Variants in APBB1 observed in about 807,000 individuals in gnomAD.
APBB1 encodes the protein amyloid beta precursor protein binding family B member 1, also known as adaptor protein FE65a2.
Under a neutral mutation model 78.4 loss-of-function variants are expected in APBB1, and 22 were observed. The observed-to-expected ratio is 0.28, with a 90% CI of 0.20 to 0.40. APBB1 has a LOEUF of 0.40. Ranked by LOEUF, APBB1 falls within the 10% of genes least tolerant of loss-of-function variation. The pLI is 1.00. For missense variants in APBB1, 749 were observed against 932.4 expected, an observed-to-expected ratio of 0.80 and a Z score of 2.56; for synonymous variants, 369 against 372.7, an observed-to-expected ratio of 0.99 and a Z score of 0.12.
intron 1 of APBB1, among the ~76,000 whole-genome samples, chr11:6,418,292 G>A (rs543790429): frequency 4.6e-5 from 7 of 152,188 alleles, no homozygotes; most frequent in Non-Finnish European, 5.9e-5. Flanking sequence ...GGAGGTCTCC[G>A]GTGACCTTGG....
chr11:6,403,168 G>A lies in APBB1; in HGVS notation c.1081C>T (p.Arg361Trp), dbSNP rs373569914. The A allele has an allele frequency of 8.2e-5, 132 of 1,613,172 alleles. No individual in the cohort carries two copies. The highest frequency in any genetic ancestry group is 1.0e-4 in the Non-Finnish European group (122 of 1,179,644). The change falls in exon 6 of 15, where the codon CGG becomes TGG. Residue 361 changes from arginine (R) to tryptophan (W), a missense_variant. Coordinates refer to ENST00000609360, the MANE Select transcript of APBB1 (RefSeq NM_001164.5). The surrounding 1 kb of genome is among the most constrained non-coding windows in gnomAD (Gnocchi z 5.3). ...ACCTTGATCCCTGGGTTGGTATTCC[G>A]TGGGGGAAGCTTCTCCTCCTCTTGG... ...LPQEEEKLPP[R>W]NTNPGIKCFA...
rs1297811754 is a variant in APBB1 at position 6,395,722 on chromosome 11, G to A, written c.1966-21C>T. 1.3e-6 allele frequency: 2 copies of A among 1,593,648 alleles called. No individual in the cohort carries two copies. The highest frequency in any genetic ancestry group is 2.7e-5 in the African/African-American group (2 of 74,398). ...CGAAGCTGCGGAGGCAAGCAGGGCA[G>A]TCACTCCCCAGCCTACCTCCCATGG... is the stretch of plus-strand genomic sequence containing the variant. On this transcript the variant is annotated intron_variant, in intron 14 of 14. Coordinates refer to ENST00000609360, the MANE Select transcript of APBB1 (RefSeq NM_001164.5). This position sits in a 1 kb window ranked among gnomAD's most constrained non-coding sequence, Gnocchi z 5.2.
chr11:6,396,095 T>C lies in APBB1; in HGVS notation c.1788+5A>G, dbSNP rs1848202192. 6.4e-7 allele frequency: 1 copy of C among 1,572,958 alleles called. No homozygotes were observed. The highest frequency in any genetic ancestry group is 8.6e-7 in the Non-Finnish European group (1 of 1,159,620). ...GCAGCCACGACTTCTACCCCAGCTC[T>C]TTACCTGCTGGTGCAAGATGGTGAG... On this transcript the variant is annotated splice_donor_5th_base_variant and intron_variant, in intron 13 of 14. Transcript: ENST00000609360.
chr11:6,402,765 A>G (rs1264850366), intron 6 of APBB1, 40 bp from the exon 7 acceptor site: 5 of 1,612,460 alleles, frequency 3.1e-6, no homozygotes, highest in Non-Finnish European at 4.2e-6. Context: ...AGAGGATCTG[A>G]GTCAAAACTG....
At chr11:6,415,114 T>C (rs1849087145) in intron 1 of APBB1, among the ~76,000 whole-genome samples, 1 of 152,038 alleles carries the variant, frequency 6.6e-6, no homozygotes, top group South Asian at 2.1e-4. Flanking sequence ...AAAAAGATGA[T>C]CTCAGTCCAA....
In APBB1 at chr11:6,402,728, G is replaced by A. The variant is rs1469150935; in HGVS notation, c.1105-3C>T. 6.2e-7 allele frequency: 1 copy of A among 1,614,050 alleles called. No individual in the cohort carries two copies. The highest frequency in any genetic ancestry group is 1.1e-5 in the South Asian group (1 of 91,068). On this transcript the variant is annotated splice_region_variant and splice_polypyrimidine_tract_variant and intron_variant, in intron 6 of 14. Coordinates refer to ENST00000609360, the MANE Select transcript of APBB1 (RefSeq NM_001164.5). ...CCTAGGGAGCGCACGGCGAAACACT[G>A]CCAGACACAGAAGAGGGGCAGGAGG...
At position 6,395,866 on chromosome 11, in the gene APBB1, G is replaced by C; in HGVS notation, c.1885C>G (p.Pro629Ala). 6.2e-7 allele frequency: 1 copy of C among 1,614,090 alleles called. No homozygotes were observed. The highest frequency in any genetic ancestry group is 8.5e-7 in the Non-Finnish European group (1 of 1,180,024). Residue 629 changes from proline (P) to alanine (A), a missense_variant, in exon 14 of 15, where the codon CCA becomes GCA. This residue lies in a region of APBB1 where 96 missense variants were observed against 116.0 expected (regional missense o/e 0.83). Coordinates refer to ENST00000609360, the MANE Select transcript of APBB1 (RefSeq NM_001164.5). This position sits in a 1 kb window ranked among gnomAD's most constrained non-coding sequence, Gnocchi z 5.2. ...AACATGTGGCAGCAGAAGGAGGCTGGGCCGGCAGCCATGATGAATGCAAAC... is the reference window on the plus strand; with the variant it reads ...AACATGTGGCAGCAGAAGGAGGCTGCGCCGGCAGCCATGATGAATGCAAAC... ...HTFAFIMAAG[P>A]ASFCCHMFWC...
At chr11:6,413,124 C>T (rs952948994) in intron 1 of APBB1, among the ~76,000 whole-genome samples, 5 of 152,162 alleles carry the variant, frequency 3.3e-5, no homozygotes, top group African/African-American at 7.2e-5. Flanking sequence ...CACCAGCCCC[C>T]GATTTCAGTT....
In APBB1 at chr11:6,403,501, C is replaced by T. The variant is rs1039649038; in HGVS notation, c.941G>A (p.Gly314Glu). ...GFAHGEGFED[G>E]EFWKDEPSDE... ...CCCCTTACCCACCTTCCAAAATTCT[C>T]CATCCTCAAAGCCTTCTCCATGAGC... Residue 314 changes from glycine (G) to glutamate (E), a missense_variant, in exon 4 of 15, where the codon GGA becomes GAA. Transcript: ENST00000609360. The surrounding 1 kb of genome is among the most constrained non-coding windows in gnomAD (Gnocchi z 5.3). 6.2e-7 allele frequency: 1 copy of T among 1,614,092 alleles called. No individual in the cohort carries two copies.
intron 12 of APBB1, among the ~76,000 whole-genome samples, chr11:6,397,851 A>G (rs561391892): frequency 6.6e-6 from 1 of 152,380 alleles, no homozygotes; most frequent in African/African-American, 2.4e-5. Flanking sequence ...TCTCAAGGCA[A>G]CAAGGGCAAA....
rs150799729 is a variant in APBB1, at chr11:6,403,618, C to A, written c.897+29G>T. ...CAGCACACACTCCCTCCACCCCTGGCCCAAAATCAACAGGCCTGTGAGCCT... is the reference window on the plus strand; with the variant it reads ...CAGCACACACTCCCTCCACCCCTGGACCAAAATCAACAGGCCTGTGAGCCT... On this transcript the variant is annotated intron_variant, in intron 3 of 14. Transcript: ENST00000609360. This position sits in a 1 kb window ranked among gnomAD's most constrained non-coding sequence, Gnocchi z 5.3. The A allele has an allele frequency of 3.1e-6, 5 of 1,612,612 alleles. No homozygotes were observed. Among genetic ancestry groups the A allele is most frequent in the Admixed American group, 1.7e-5 (1 of 59,956 alleles).
At chr11:6,404,401 T>A (rs372249190) in intron 2 of APBB1, among the ~76,000 whole-genome samples, 8 of 152,042 alleles carry the variant, frequency 5.3e-5, no homozygotes, top group African/African-American at 1.9e-4. Context: ...CAGCTAAACA[T>A]ACGAGCCCCT....
intron 2 of APBB1, among the ~76,000 whole-genome samples, chr11:6,409,418 G>A (rs558192404): frequency 1.3e-5 from 2 of 152,176 alleles, no homozygotes; most frequent in African/African-American, 2.4e-5. Flanking sequence ...AATAACCTAC[G>A]CTGGGCCTAG....
intron 2 of APBB1, among the ~76,000 whole-genome samples, chr11:6,406,792 C>T (rs748322270): frequency 1.1e-4 from 16 of 152,160 alleles, no homozygotes; most frequent in Non-Finnish European, 2.1e-4. Flanking sequence ...ATTGCCCTCT[C>T]CCCCACCACT....
intron 1 of APBB1, among the ~76,000 whole-genome samples, chr11:6,416,665 C>T (rs1434568011): frequency 6.6e-6 from 1 of 152,132 alleles, no homozygotes; most frequent in African/African-American, 2.4e-5. Flanking sequence ...TGATGATTTC[C>T]TCTCTGAGAA....
rs772132699 is a variant in APBB1 at position 6,411,394 on chromosome 11, C to G, written c.-14-33G>C. 17 of 1,503,340 alleles carry G rather than the reference C, an allele frequency of 1.1e-5. No individual in the cohort carries two copies. Among genetic ancestry groups the G allele is most frequent in the Non-Finnish European group, 1.5e-5 (17 of 1,125,026 alleles). 93.1% of individuals were successfully genotyped at this position (1,503,340 alleles called of 1,614,324 possible). A position where few individuals can be genotyped will look rare whatever the true frequency, so the allele number is the denominator to read the frequency against. On this transcript the variant is annotated intron_variant, in intron 1 of 14. Transcript: ENST00000609360. The surrounding 1 kb of genome is among the most constrained non-coding windows in gnomAD (Gnocchi z 5.2). ...GTGCGGAGGGGAGATGCTGTTGAGC[C>G]TCTGGTCCAGAACAGCAGCATCACT...
chr11:6,407,473 C>G (rs1479166256), intron 2 of APBB1, among the ~76,000 whole-genome samples: 1 of 152,248 alleles, frequency 6.6e-6, no homozygotes, highest in Non-Finnish European at 1.5e-5. Context: ...AACTTCCAAC[C>G]TACAACCTGC....
chr11:6,411,112 C>G lies in APBB1; in HGVS notation c.236G>C (p.Arg79Pro). ...WLKEGQNQLRRAATAHRDQNR... is the reference protein window; with the variant it reads ...WLKEGQNQLRPAATAHRDQNR... Reference sequence around the variant, plus strand: ...CTGGTCACGGTGGGCCGTGGCGGCCCGCCGGAGCTGGTTCTGGCCCTCTTT... The same window carrying G: ...CTGGTCACGGTGGGCCGTGGCGGCCGGCCGGAGCTGGTTCTGGCCCTCTTT... The change falls in exon 2 of 15, where the codon CGG becomes CCG. Residue 79 changes from arginine (R) to proline (P), a missense_variant. Arg to Pro is a moderately radical substitution (Grantham distance 103). Around this residue, in one of 3 missense-constraint regions of APBB1, gnomAD observed 635 missense variants for 765.0 expected, o/e 0.83. Transcript: ENST00000609360. The surrounding 1 kb of genome is among the most constrained non-coding windows in gnomAD (Gnocchi z 5.2). 1 of 1,612,414 alleles carries G rather than the reference C, an allele frequency of 6.2e-7. No individual in the cohort carries two copies. Among genetic ancestry groups the G allele is most frequent in the Non-Finnish European group, 8.5e-7 (1 of 1,179,998 alleles).
rs750182977 is a variant in APBB1 at position 6,395,932 on chromosome 11, G to A, written c.1819C>T (p.Arg607Cys). 6.2e-7 allele frequency: 1 copy of A among 1,613,518 alleles called. No homozygotes were observed. The highest frequency in any genetic ancestry group is 8.5e-7 in the Non-Finnish European group (1 of 1,179,758). ...TEAVLGECRVRFLSFLAVGRD... is the reference protein window; with the variant it reads ...TEAVLGECRVCFLSFLAVGRD... ...CCCACGGCCAGGAAGGAGAGGAAAC[G>A]CACCCGACACTCTCCCAGCACTGCC... Residue 607 changes from arginine (R) to cysteine (C), a missense_variant, in exon 14 of 15, where the codon CGT becomes TGT. This residue lies in a region of APBB1 where 18 missense variants were observed against 51.4 expected (regional missense o/e 0.35). Transcript: ENST00000609360. This position sits in a 1 kb window ranked among gnomAD's most constrained non-coding sequence, Gnocchi z 5.2.
Sources: allele counts gnomAD v4.1 joint callset (sites outside exome capture counted in the v4.1 genomes callset), GRCh38; gene constraint gnomAD v4.1.1; regional missense constraint gnomAD v4.1.1; non-coding constraint Gnocchi (gnomAD v3.1); transcripts MANE v1.5; gene names NCBI Gene and HGNC (gene_info 2026-07-23, HGNC 2026-07-21).